The following SLC5A1 variants were observed in gnomAD, a reference collection of about 807,000 sequenced individuals.
SLC5A1 encodes solute carrier family 5 member 1, also known as sodium/glucose cotransporter 1.
A neutral mutation model predicts 73.5 loss-of-function variants in SLC5A1; 42 were observed. The ratio of observed to expected loss-of-function variants is 0.57; its 90% CI spans 0.45 to 0.74. The LOEUF (loss-of-function observed/expected upper bound fraction) is 0.74, where lower values mean the gene tolerates loss of function less well. SLC5A1 is among the 30% of genes least tolerant of loss of function. SLC5A1 has a pLI of 0.00. For missense variants in SLC5A1, 634 were observed against 855.4 expected, an observed-to-expected ratio of 0.74 and a Z score of 3.23; for synonymous variants, 300 against 317.4, an observed-to-expected ratio of 0.95 and a Z score of 0.58.
rs55695217 is a variant in SLC5A1, at chr22:32,067,148, C to G, written c.312+109C>G. The G allele has an allele frequency of 0.056, 48,334 of 870,768 alleles. 1,708 individuals are homozygous for G. The highest frequency in any genetic ancestry group is 0.07 in the Non-Finnish European group (37,296 of 532,044). The allele number at this position is 870,768 out of a possible 1,614,324, so 53.9% of individuals were successfully genotyped here. A position where few individuals can be genotyped will look rare whatever the true frequency, so the allele number is the denominator to read the frequency against. On this transcript the variant is annotated intron_variant, in intron 3 of 14. Transcript: ENST00000266088. ...AAGATGTTAGGGAACCCTTCAGGGT[C>G]ACCCCAGGGTGCAGACAGAGGAGGG...
At chr22:32,081,429 A>G (rs1250412755) in intron 5 of SLC5A1, among the ~76,000 whole-genome samples, 1 of 151,800 alleles carries the variant, frequency 6.6e-6, no homozygotes, top group South Asian at 2.1e-4. Flanking sequence ...TCACTTATGG[A>G]CTCTCCAGCA....
In SLC5A1 at chr22:32,102,031, T is replaced by C. The variant is rs1456943611; in HGVS notation, c.1459T>C (p.Trp487Arg). ...GGGTTTTCTTTCACAGGGAGCCTTT[T>C]GGGGACTGATCCTAGGACTTCTGAT... Reference protein sequence around the residue: ...WKRVNEPGAFWGLILGLLIGI... With the variant: ...WKRVNEPGAFRGLILGLLIGI... The change falls in exon 13 of 15, where the codon TGG (tryptophan) becomes CGG (arginine). Residue 487 changes from tryptophan to arginine, a missense_variant. Physicochemically the swap from Trp to Arg is moderately radical, Grantham distance 101. Around this residue, in one of 3 missense-constraint regions of SLC5A1, gnomAD observed 422 missense variants for 626.1 expected, o/e 0.67. Transcript: ENST00000266088. 1 of 1,613,724 alleles carries C rather than the reference T, an allele frequency of 6.2e-7. No homozygotes were observed. Among genetic ancestry groups the C allele is most frequent in the Non-Finnish European group, 8.5e-7 (1 of 1,179,750 alleles).
At chr22:32,077,261 T>C in intron 5 of SLC5A1, among the ~76,000 whole-genome samples, 1 of 145,944 alleles carries the variant, frequency 6.9e-6, no homozygotes, top group African/African-American at 2.5e-5. Flanking sequence ...CACTCCCTCC[T>C]TCTCTCCTTT....
intron 10 of SLC5A1, among the ~76,000 whole-genome samples, chr22:32,091,352 TTCA>T (rs1056700309): frequency 2.7e-4 from 40 of 146,282 alleles, no homozygotes; most frequent in African/African-American, 9.8e-4. Context: ...CCCCACCACC[TTCA>T]TCATCGTCCA....
At chr22:32,050,624 G>A (rs955224648) in intron 2 of SLC5A1, among the ~76,000 whole-genome samples, 1 of 152,200 alleles carries the variant, frequency 6.6e-6, no homozygotes, top group Admixed American at 6.5e-5. Context: ...GTTATGACCT[G>A]AAACAGGTGA....
rs200130719 is a variant in SLC5A1, at chr22:32,091,770, C to G, written c.1280+8C>G. The G allele has an allele frequency of 3.7e-5, 59 of 1,613,320 alleles. No homozygotes were observed. The African/African-American group carries it at 6.8e-4, about 19-fold the overall frequency. ...GCTCATGATTGCCGGAAGGTAAATG[C>G]AGCTTCCCCCAAGCCACAAAAGCTT... On this transcript the variant is annotated splice_region_variant and intron_variant, in intron 11 of 14. Coordinates refer to ENST00000266088, the MANE Select transcript of SLC5A1 (RefSeq NM_000343.4).
At chr22:32,077,827 C>CAT (rs1175207734) in intron 5 of SLC5A1, among the ~76,000 whole-genome samples, 1 of 151,980 alleles carries the variant, frequency 6.6e-6, no homozygotes, top group Non-Finnish European at 1.5e-5. Context: ...ATTTTTACTA[C>CAT]ATATATATAT....
chr22:32,085,122 C>A, intron 9 of SLC5A1, 87 bp downstream of exon 9: 1 of 1,535,200 alleles, frequency 6.5e-7, no homozygotes, highest in Non-Finnish European at 9.0e-7. Flanking sequence ...CCGCTTCCTC[C>A]TCTTTTTTTT....
intron 5 of SLC5A1, among the ~76,000 whole-genome samples, chr22:32,071,637 C>T (rs1367481255): frequency 6.6e-6 from 1 of 152,042 alleles, no homozygotes; most frequent in African/African-American, 2.4e-5. Flanking sequence ...GCTCATTGCT[C>T]TATCAAAATG....
chr22:32,105,119 T>C (rs1473709001), intron 14 of SLC5A1, among the ~76,000 whole-genome samples: 1 of 152,096 alleles, frequency 6.6e-6, no homozygotes, highest in Non-Finnish European at 1.5e-5. Context: ...ACCCCTCATA[T>C]TTAAAAAATT....
intron 11 of SLC5A1, 127 bp downstream of exon 11, chr22:32,091,889 A>G: frequency 1.2e-6 from 1 of 850,676 alleles, no homozygotes; most frequent in East Asian, 2.6e-5. Flanking sequence ...GTGGCTGGTT[A>G]TATGTGCCAT....
chr22:32,097,613 T>C (rs1339904194), intron 11 of SLC5A1, among the ~76,000 whole-genome samples: 1 of 152,184 alleles, frequency 6.6e-6, no homozygotes, highest in Admixed American at 6.5e-5. Flanking sequence ...TCTTGTGTAG[T>C]GTTTTTATTA....
intron 6 of SLC5A1, 81 bp downstream of exon 6, chr22:32,082,052 GTGGTTTCTCTTCTTGAGGAGAGA>G: frequency 1.1e-6 from 1 of 925,080 alleles, no homozygotes; most frequent in South Asian, 1.3e-5. Context: ...AGTAGGAGAG[GTGGTTTCTCTTCTTGAGGAGAGA>G]TACACTCAGG....
At chr22:32,054,876 T>C (rs1236328657) in intron 2 of SLC5A1, among the ~76,000 whole-genome samples, 1 of 152,140 alleles carries the variant, frequency 6.6e-6, no homozygotes, top group Non-Finnish European at 1.5e-5. Context: ...GGTTTCACCA[T>C]GTTGGCCGGG....
chr22:32,075,094 T>TA (rs1254700153), intron 5 of SLC5A1, among the ~76,000 whole-genome samples: 7 of 148,246 alleles, frequency 4.7e-5, no homozygotes, highest in Non-Finnish European at 7.5e-5. Flanking sequence ...TTTTTTTTTT[T>TA]AGAGATAGGG....
At chr22:32,076,261 G>T (rs1051358625) in intron 5 of SLC5A1, among the ~76,000 whole-genome samples, 2 of 152,218 alleles carry the variant, frequency 1.3e-5, no homozygotes, top group Non-Finnish European at 2.9e-5. Context: ...CCATCTTTTG[G>T]TCACGTATTT....
At chr22:32,049,773 C>T (rs557236600) in intron 1 of SLC5A1, among the ~76,000 whole-genome samples, 170 bp from the exon 2 acceptor site, 11 of 152,144 alleles carry the variant, frequency 7.2e-5, no homozygotes, top group African/African-American at 2.6e-4. Flanking sequence ...AATGTAGGTT[C>T]CTGCCTCCTT....
chr22:32,064,214 G>C (rs1285273685), intron 2 of SLC5A1, among the ~76,000 whole-genome samples: 1 of 152,132 alleles, frequency 6.6e-6, no homozygotes, highest in African/African-American at 2.4e-5. Context: ...TGGACTGTTA[G>C]GCTGGGTAGG....
chr22:32,057,585 C>T lies in SLC5A1; in HGVS notation c.207+7571C>T, dbSNP rs73391031. Among the ~76,000 whole-genome samples the T allele has an allele frequency of 5.6e-3, 857 of 152,190 alleles. 14 individuals carry two copies. Among genetic ancestry groups the T allele is most frequent in the African/African-American group, 0.019 (804 of 41,528 alleles). ...CCAGCCCCCAGGACAATTCTTGATG[C>T]CTGGATTTGTGATCCTGAGTGTGCA... is the stretch of plus-strand genomic sequence containing the variant. On this transcript the variant is annotated intron_variant, in intron 2 of 14. Coordinates refer to ENST00000266088, the MANE Select transcript of SLC5A1 (RefSeq NM_000343.4).
Sources: gnomAD v4.1 joint callset for allele counts (sites outside exome capture counted in the v4.1 genomes callset) on GRCh38, gnomAD v4.1.1 for gene constraint, gnomAD v4.1.1 regional missense constraint, MANE v1.5 for transcripts, NCBI Gene and HGNC (gene_info 2026-07-23, HGNC 2026-07-21) for gene names.